The following RNF114 variants were observed in gnomAD, a reference collection of about 807,000 sequenced individuals.
RNF114 encodes ring finger protein 114, also known as E3 ubiquitin-protein ligase RNF114.
A neutral mutation model predicts 28.4 loss-of-function variants in RNF114; 6 were observed. That is an observed-to-expected ratio of 0.21 (90% CI 0.12 to 0.42). The LOEUF is 0.42. Among genes scored for constraint, RNF114 ranks in the 10% least tolerant of loss-of-function variants. The probability of loss-of-function intolerance (pLI) is 1.00; values close to 1 mark genes in which losing one functional copy is unlikely to be tolerated. For synonymous variants in RNF114, 115 were observed against 116.7 expected (o/e 0.99, Z 0.09); for missense variants, 249 against 311.7 (o/e 0.80, Z 1.51).
intron 1 of RNF114, among the ~76,000 whole-genome samples, chr20:49,938,870 T>A (rs2090296955): frequency 6.6e-6 from 1 of 152,232 alleles, no homozygotes; most frequent in South Asian, 2.1e-4. Flanking sequence ...TTATACTCAC[T>A]GGACCCTCTG....
Position 49,936,397 on chromosome 20 carries a change from G to A in RNF114, c.-16G>A, listed in dbSNP as rs761171783. 3 of 1,488,260 alleles carry A rather than the reference G, an allele frequency of 2.0e-6. No individual in the cohort carries two copies. Among genetic ancestry groups the A allele is most frequent in the South Asian group, 2.6e-5 (2 of 77,732 alleles). The allele number at this position is 1,488,260 out of a possible 1,614,324, so 92.2% of individuals were successfully genotyped here. A position where few individuals can be genotyped will look rare whatever the true frequency, so the allele number is the denominator to read the frequency against. ...TCCTCATCGGCCGCCGTTGCGCGGC[G>A]CAGAGCGGCAGCAAGATGGCGGCGC... is the stretch of plus-strand genomic sequence containing the variant. On this transcript the variant is annotated 5_prime_UTR_variant, in exon 1 of 6. Coordinates refer to ENST00000244061, the MANE Select transcript of RNF114 (RefSeq NM_018683.4).
intron 5 of RNF114, 66 bp from the exon 6 acceptor site, chr20:49,952,010 C>CGGATCCAGTTGCTAGGCTGTCCTGCTTT: frequency 7.2e-7 from 1 of 1,395,218 alleles, no homozygotes; most frequent in Non-Finnish European, 1.0e-6. Context: ...TGTCCTGCTT[C>CGGATCCAGTTGCTAGGCTGTCCTGCTTT]TACTGAAAGC....
intron 1 of RNF114, among the ~76,000 whole-genome samples, chr20:49,939,115 C>G (rs756680685): frequency 6.6e-6 from 1 of 152,182 alleles, no homozygotes; most frequent in Non-Finnish European, 1.5e-5. Context: ...CAGGTCCCAC[C>G]CAGCTCAAAT....
chr20:49,938,048 G>C (rs2090294419), intron 1 of RNF114, among the ~76,000 whole-genome samples: 1 of 152,190 alleles, frequency 6.6e-6, no homozygotes, highest in Non-Finnish European at 1.5e-5. Flanking sequence ...TGAGTGATCA[G>C]GTAATGGTTG....
rs938116147 is a variant in RNF114 at position 49,949,165 on chromosome 20, A to G, written c.514-83A>G. Reference sequence around the variant, plus strand: ...AGTATGTCAGGAAAGCTGTCCTGGAAGAAAGGAGGCCAGACACAGGCCACA... The same window carrying G: ...AGTATGTCAGGAAAGCTGTCCTGGAGGAAAGGAGGCCAGACACAGGCCACA... On this transcript the variant is annotated intron_variant, in intron 4 of 5. Transcript: ENST00000244061. 9.1e-6 allele frequency: 10 copies of G among 1,094,980 alleles called. No individual in the cohort carries two copies. The South Asian group carries it at 1.1e-4, about 12-fold the overall frequency. The allele number at this position is 1,094,980 out of a possible 1,614,324, so 67.8% of individuals were successfully genotyped here.
At chr20:49,945,546 G>GTTGGACAGC in intron 3 of RNF114, 58 bp downstream of exon 3, 1 of 1,001,196 alleles carries the variant, frequency 1.0e-6, no homozygotes, top group South Asian at 1.3e-5. Context: ...ATACAAAGAG[G>GTTGGACAGC]TTGCATGCCC....
intron 2 of RNF114, chr20:49,944,277 C>T (rs971969013): frequency 6.6e-6 from 1 of 152,096 alleles, no homozygotes; most frequent in African/African-American, 2.4e-5. Flanking sequence ...GCATGTTGCC[C>T]ATGCTGATCT....
At chr20:49,948,578 C>CA (rs1322409969) in intron 4 of RNF114, among the ~76,000 whole-genome samples, 1 of 152,086 alleles carries the variant, frequency 6.6e-6, no homozygotes, top group Non-Finnish European at 1.5e-5. Context: ...GCTGGGACTA[C>CA]AGGCGTGTGC....
intron 1 of RNF114, among the ~76,000 whole-genome samples, chr20:49,937,354 C>G (rs1455561382): frequency 6.6e-6 from 1 of 152,188 alleles, no homozygotes; most frequent in Admixed American, 6.5e-5. Flanking sequence ...TGCTTCTTGC[C>G]TCAGAATTGG....
At position 49,936,441 on chromosome 20, in the gene RNF114, G is replaced by C. The variant is rs1288989588; in HGVS notation, c.29G>C (p.Gly10Ala). The change falls in exon 1 of 6, where the codon GGT becomes GCT. Residue 10 changes from glycine (G) to alanine (A), a missense_variant. Around this residue, in one of 2 missense-constraint regions of RNF114, gnomAD observed 123 missense variants for 106.4 expected, o/e 1.16. Coordinates refer to ENST00000244061, the MANE Select transcript of RNF114 (RefSeq NM_018683.4). MAAQQRDCG[G>A]AAQLAGPAAE... ...GCGGCGCAACAGCGGGACTGCGGGG[G>C]TGCTGCGCAGCTGGCGGGGCCGGCG... 1.3e-6 allele frequency: 2 copies of C among 1,545,190 alleles called. No individual in the cohort carries two copies. The highest frequency in any genetic ancestry group is 1.4e-5 in the African/African-American group (1 of 71,490).
intron 4 of RNF114, among the ~76,000 whole-genome samples, chr20:49,947,084 G>T (rs890675984): frequency 6.6e-6 from 1 of 151,946 alleles, no homozygotes; most frequent in Non-Finnish European, 1.5e-5. Context: ...GCCAGGCATG[G>T]TGGCGGGCGC....
intron 1 of RNF114, among the ~76,000 whole-genome samples, chr20:49,938,962 G>A (rs73273171): frequency 0.011 from 1,659 of 152,308 alleles, 42 homozygotes; most frequent in African/African-American, 0.038. Flanking sequence ...TGTCTCTACT[G>A]CCTCATCACT....
chr20:49,938,420 T>C (rs542200872), intron 1 of RNF114, among the ~76,000 whole-genome samples: 1 of 152,356 alleles, frequency 6.6e-6, no homozygotes, highest in African/African-American at 2.4e-5. Context: ...AAATCCCCGC[T>C]AGCTCCAACC....
intron 1 of RNF114, among the ~76,000 whole-genome samples, chr20:49,938,411 A>G (rs1427132854): frequency 3.9e-5 from 6 of 152,200 alleles, no homozygotes; most frequent in Non-Finnish European, 8.8e-5. Context: ...GGGCAGCCCA[A>G]ATCCCCGCTA....
intron 2 of RNF114, 70 bp downstream of exon 2, chr20:49,941,781 T>C (rs2090309061): frequency 5.8e-6 from 9 of 1,540,128 alleles, no homozygotes; most frequent in African/African-American, 1.4e-5. Flanking sequence ...ACAGCTGCCA[T>C]GTTGTTGCTG....
chr20:49,941,197 T>C (rs2090306500), intron 1 of RNF114: 1 of 175,412 alleles, frequency 5.7e-6, no homozygotes, highest in Admixed American at 6.3e-5. Context: ...CTATACAAAC[T>C]GTATCCTCCC....
intron 5 of RNF114, among the ~76,000 whole-genome samples, chr20:49,950,943 A>AC (rs750897637): frequency 2.0e-5 from 3 of 152,184 alleles, no homozygotes; most frequent in Non-Finnish European, 4.4e-5. Context: ...AATTATCTTC[A>AC]AAAATACTTC....
chr20:49,952,101 T>C lies in RNF114; in HGVS notation c.647T>C (p.Met216Thr). The C allele has an allele frequency of 6.2e-7, 1 of 1,614,130 alleles. No homozygotes were observed. Among genetic ancestry groups the C allele is most frequent in the Non-Finnish European group, 8.5e-7 (1 of 1,179,980 alleles). ...FVDYDVDEED[M>T]MNQVLQRSII... ...GATTATGATGTTGATGAAGAGGACA[T>C]GATGAATCAGGTGTTGCAGCGCTCC... The change falls in exon 6 of 6, where the codon ATG (methionine) becomes ACG (threonine). Residue 216 changes from methionine to threonine, a missense_variant. Transcript: ENST00000244061.
At chr20:49,941,526 T>C in intron 1 of RNF114, 35 bp from the exon 2 acceptor site, 6 of 1,542,538 alleles carry the variant, frequency 3.9e-6, no homozygotes, top group Non-Finnish European at 5.3e-6. Context: ...GTCTCCATGA[T>C]GCGTGACAGA....
Sources: allele counts gnomAD v4.1 joint callset (sites outside exome capture counted in the v4.1 genomes callset), GRCh38; gene constraint gnomAD v4.1.1; regional missense constraint gnomAD v4.1.1; transcripts MANE v1.5; gene names NCBI Gene and HGNC (gene_info 2026-07-23, HGNC 2026-07-21).